ADCY9: variants seen among roughly 807,000 people sequenced by gnomAD.
ADCY9 encodes the protein adenylate cyclase type 9.
In ADCY9, 50 loss-of-function variants were observed where a neutral mutation model predicts 101.5. The ratio of observed to expected loss-of-function variants is 0.49; its 90% CI spans 0.39 to 0.62. The LOEUF is 0.62. Ranked by LOEUF, ADCY9 falls within the 20% of genes least tolerant of loss-of-function variation. The probability of loss-of-function intolerance (pLI) is 0.00; values close to 1 mark genes in which losing one functional copy is unlikely to be tolerated. For missense variants in ADCY9, 1,662 were observed against 1,800.4 expected (o/e 0.92, Z 1.39); for synonymous variants, 905 against 769.3 (o/e 1.18, Z -2.92).
intron 2 of ADCY9, among the ~76,000 whole-genome samples, chr16:4,107,679 A>C (rs1236762473): frequency 1.3e-5 from 2 of 151,952 alleles, no homozygotes; most frequent in African/African-American, 4.8e-5. Flanking sequence ...AGGTGGGGAC[A>C]AGCTAACGGG....
intron 9 of ADCY9, 152 bp from the exon 10 acceptor site, chr16:3,974,862 C>G: frequency 1.6e-6 from 1 of 630,486 alleles, no homozygotes; most frequent in Non-Finnish European, 2.9e-6. Context: ...TTCTTCACAT[C>G]TGTGTCTCCC....
intron 2 of ADCY9, among the ~76,000 whole-genome samples, chr16:4,025,375 CAA>C (rs367980802): frequency 4.6e-5 from 6 of 130,368 alleles, no homozygotes; most frequent in African/African-American, 2.9e-5. Flanking sequence ...ACTCTGTCTC[CAA>C]AAAAAAAAAA....
At chr16:4,090,179 G>GC (rs1305007335) in intron 2 of ADCY9, among the ~76,000 whole-genome samples, 1 of 152,036 alleles carries the variant, frequency 6.6e-6, no homozygotes, top group Non-Finnish European at 1.5e-5. Context: ...CCTGGAGCAG[G>GC]CCCCCCACGC....
Position 4,115,336 on chromosome 16 carries a change from T to G in ADCY9, c.107A>C (p.Gln36Pro). 2 of 1,613,436 alleles carry G rather than the reference T, an allele frequency of 1.2e-6. No individual in the cohort carries two copies. The highest frequency in any genetic ancestry group is 1.7e-6 in the Non-Finnish European group (2 of 1,179,770). The change falls in exon 2 of 11, where the codon CAG becomes CCG. Residue 36 changes from glutamine (Q) to proline (P), a missense_variant. Physicochemically the swap from Gln to Pro is moderately conservative, Grantham distance 76. Around this residue, in one of 5 missense-constraint regions of ADCY9, gnomAD observed 422 missense variants for 392.0 expected, o/e 1.08. Transcript: ENST00000294016. The surrounding 1 kb of genome is among the most constrained non-coding windows in gnomAD (Gnocchi z 6.2). ...CTTGGGGTGGCTGTTGGAGGACAGCTGCTTGGGGTTGATCTTGACGCGCAC... is the reference window on the plus strand; with the variant it reads ...CTTGGGGTGGCTGTTGGAGGACAGCGGCTTGGGGTTGATCTTGACGCGCAC... ...NSVRVKINPK[Q>P]LSSNSHPKHC...
In ADCY9 at chr16:4,113,931, C is replaced by A. The variant is rs748890582; in HGVS notation, c.1512G>T (p.Arg504Ser). ...TVLCGILGMR[R>S]FKFDVWSNDV... ...CGTTGGACCACACGTCAAATTTAAA[C>A]CTCCTCATGCCCAGGATGCCGCAAA... is the stretch of plus-strand genomic sequence containing the variant. The change falls in exon 2 of 11, where the codon AGG (arginine) becomes AGT (serine). Residue 504 changes from arginine (R) to serine (S), a missense_variant. Physicochemically the swap from Arg to Ser is moderately radical, Grantham distance 110 (BLOSUM62 -1). This residue lies in a region of ADCY9 where 228 missense variants were observed against 301.1 expected (regional missense o/e 0.76). Coordinates refer to ENST00000294016, the MANE Select transcript of ADCY9 (RefSeq NM_001116.4). 1.1e-5 allele frequency: 18 copies of A among 1,614,154 alleles called. No homozygotes were observed. The highest frequency in any genetic ancestry group is 1.7e-5 in the Admixed American group (1 of 60,022).
chr16:4,010,588 C>T (rs2056397386), intron 2 of ADCY9, among the ~76,000 whole-genome samples: 1 of 152,176 alleles, frequency 6.6e-6, no homozygotes, highest in Non-Finnish European at 1.5e-5. Context: ...ACTATTTTGG[C>T]CGAGATCGTG....
chr16:3,974,987 C>T (rs1331804709), intron 9 of ADCY9, among the ~76,000 whole-genome samples: 2 of 152,146 alleles, frequency 1.3e-5, no homozygotes, highest in African/African-American at 2.4e-5. Context: ...GCTCTGAGGC[C>T]TCAAGTGGAT....
intron 3 of ADCY9, among the ~76,000 whole-genome samples, chr16:3,996,803 G>A (rs771098421): frequency 4.6e-5 from 7 of 152,152 alleles, no homozygotes; most frequent in South Asian, 2.1e-4. Flanking sequence ...ATCTCCTGGC[G>A]TCAGTCTGTT....
intron 2 of ADCY9, among the ~76,000 whole-genome samples, chr16:4,022,993 G>A (rs186112842): frequency 2.0e-5 from 3 of 152,226 alleles, no homozygotes; most frequent in African/African-American, 4.8e-5. Context: ...GCGCAGCACC[G>A]TGGACACTCA....
chr16:4,005,922 T>G (rs1405010891), intron 3 of ADCY9, among the ~76,000 whole-genome samples: 1 of 152,120 alleles, frequency 6.6e-6, no homozygotes, highest in Non-Finnish European at 1.5e-5. Flanking sequence ...AGCCCCTCCC[T>G]GCCCGGGTCC....
chr16:3,979,148 G>A lies in ADCY9; in HGVS notation c.2647C>T (p.His883Tyr). 1 of 1,614,254 alleles carries A rather than the reference G, an allele frequency of 6.2e-7. No individual in the cohort carries two copies. Among genetic ancestry groups the A allele is most frequent in the Non-Finnish European group, 8.5e-7 (1 of 1,180,046 alleles). Reference protein sequence around the residue: ...VSLPALAVYSHVTSEYETNIH... With the variant: ...VSLPALAVYSYVTSEYETNIH... ...TTGGTCTCATATTCGGAGGTGACAT[G>A]GGAGTAGACGGCCAGTGCGGGAAGC... Residue 883 changes from histidine to tyrosine, a missense_variant, in exon 8 of 11, where the codon CAT becomes TAT. His to Tyr is a moderately conservative substitution (Grantham distance 83). This residue lies in a region of ADCY9 where 624 missense variants were observed against 639.1 expected (regional missense o/e 0.98). Coordinates refer to ENST00000294016, the MANE Select transcript of ADCY9 (RefSeq NM_001116.4).
intron 2 of ADCY9, among the ~76,000 whole-genome samples, chr16:4,093,402 T>C (rs1436295362): frequency 6.6e-6 from 1 of 152,182 alleles, no homozygotes; most frequent in Admixed American, 6.5e-5. Context: ...AAACAACTGA[T>C]TATATAAAAC....
In ADCY9 at chr16:3,983,333, G is replaced by T; in HGVS notation, c.2418C>A (p.Phe806Leu). ...GCACGGTGGCCGCCTCGTACTTCAG[G>T]AAGCAGGTGGTGGACAGCGTCAGAA... ...TVFLTLSTTC[F>L]LKYEAATVPP... The change falls in exon 7 of 11, where the codon TTC becomes TTA. Residue 806 changes from phenylalanine to leucine, a missense_variant. Physicochemically the swap from Phe to Leu is conservative, Grantham distance 22 (BLOSUM62 0). Coordinates refer to ENST00000294016, the MANE Select transcript of ADCY9 (RefSeq NM_001116.4). The T allele has an allele frequency of 6.3e-7, 1 of 1,588,142 alleles. No homozygotes were observed. Among genetic ancestry groups the T allele is most frequent in the Non-Finnish European group, 8.6e-7 (1 of 1,167,482 alleles).
chr16:4,103,856 A>C (rs899833809), intron 2 of ADCY9, among the ~76,000 whole-genome samples: 2 of 152,126 alleles, frequency 1.3e-5, no homozygotes, highest in African/African-American at 2.4e-5. Context: ...AAAAAAAAGA[A>C]TGTCCCAGAT....
At chr16:3,988,704 T>TG (rs1173022314) in intron 6 of ADCY9, among the ~76,000 whole-genome samples, 4 of 18,720 alleles carry the variant, frequency 2.1e-4, no homozygotes, top group South Asian at 1.9e-3. Context: ...CAGGTTGTGG[T>TG]GGGGGGGCCC....
At chr16:4,043,499 C>A (rs1249987969) in intron 2 of ADCY9, among the ~76,000 whole-genome samples, 1 of 151,544 alleles carries the variant, frequency 6.6e-6, no homozygotes, top group Non-Finnish European at 1.5e-5. Context: ...CATGGTGAAA[C>A]CCCATCTCTA....
intron 2 of ADCY9, among the ~76,000 whole-genome samples, chr16:4,070,621 G>C (rs1313180232): frequency 6.6e-6 from 1 of 152,092 alleles, no homozygotes. Flanking sequence ...TTCAAGTCCA[G>C]CCTGGGCAAC....
At chr16:4,098,607 T>C (rs539205337) in intron 2 of ADCY9, among the ~76,000 whole-genome samples, 6 of 152,318 alleles carry the variant, frequency 3.9e-5, no homozygotes, top group African/African-American at 1.2e-4. Flanking sequence ...CCTGGCTATA[T>C]TCCCAGCACT....
rs373648692 is a variant in ADCY9 at position 4,115,492 on chromosome 16, G to A, written c.-43-7C>T. 17 of 1,473,078 alleles carry A rather than the reference G, an allele frequency of 1.2e-5. No individual in the cohort carries two copies. Among genetic ancestry groups the A allele is most frequent in the African/African-American group, 5.7e-5 (4 of 70,766 alleles). 91.3% of individuals were successfully genotyped at this position (1,473,078 alleles called of 1,614,324 possible). A position where few individuals can be genotyped will look rare whatever the true frequency, so the allele number is the denominator to read the frequency against. On this transcript the variant is annotated splice_polypyrimidine_tract_variant and splice_region_variant and intron_variant, in intron 1 of 10. Transcript: ENST00000294016. The surrounding 1 kb of genome is among the most constrained non-coding windows in gnomAD (Gnocchi z 6.2). ...CGGCCGGGGTCACCAGTACCTGCCA[G>A]CAAAACGGGGAGAGTTAGCGGCGCT...
Sources: gnomAD v4.1 joint callset for allele counts (sites outside exome capture counted in the v4.1 genomes callset) on GRCh38, gnomAD v4.1.1 for gene constraint, gnomAD v4.1.1 regional missense constraint, Gnocchi (gnomAD v3.1) non-coding constraint, MANE v1.5 for transcripts, NCBI Gene and HGNC (gene_info 2026-07-23, HGNC 2026-07-21) for gene names.